Variants in PCNX2 observed in about 807,000 individuals in gnomAD.
PCNX2 encodes the protein pecanex-like protein 2.
PCNX2 carries 168 observed loss-of-function variants against 223.8 expected under a neutral mutation model. The ratio of observed to expected loss-of-function variants is 0.75; its 90% CI spans 0.66 to 0.85. The LOEUF (loss-of-function observed/expected upper bound fraction) is 0.85, where lower values mean the gene tolerates loss of function less well. PCNX2 is among the 40% of genes least tolerant of loss of function. The probability of loss-of-function intolerance (pLI) is 0.00; values close to 1 mark genes in which losing one functional copy is unlikely to be tolerated. For missense variants in PCNX2, 2,507 were observed against 2,675.5 expected (o/e 0.94, Z 1.39); for synonymous variants, 1,006 against 1,052.6 (o/e 0.96, Z 0.86).
rs549767924 is a variant in PCNX2, at chr1:233,145,733, C to T, written c.3518-5878G>A. On this transcript the variant is annotated intron_variant, in intron 19 of 33. Transcript: ENST00000258229. The stretch of plus-strand genomic sequence containing the variant: ...CTGACAGTGTTTAGAATTCTCAGTA[C>T]ATGGTAACAGTAAAAAGGGGTAACT... Among the ~76,000 whole-genome samples the T allele has an allele frequency of 1.0e-3, 158 of 152,248 alleles. 1 individual carries two copies. Among genetic ancestry groups the T allele is most frequent in the African/African-American group, 3.7e-3 (153 of 41,542 alleles).
intron 21 of PCNX2, among the ~76,000 whole-genome samples, chr1:233,133,618 G>A (rs930370320): frequency 1.3e-5 from 2 of 152,202 alleles, no homozygotes; most frequent in Non-Finnish European, 2.9e-5. Context: ...CACTTTGGGA[G>A]GCCAAGGTAG....
chr1:233,200,731 C>A (rs1572064686), intron 13 of PCNX2, among the ~76,000 whole-genome samples: 1 of 151,620 alleles, frequency 6.6e-6, no homozygotes, highest in African/African-American at 2.4e-5. Context: ...ATAAAAAAAA[C>A]ACAGGACAGG....
chr1:233,025,072 C>T (rs911637309), intron 26 of PCNX2, 74 bp downstream of exon 26: 23 of 1,567,886 alleles, frequency 1.5e-5, no homozygotes, highest in South Asian at 2.3e-5. Context: ...ATTTAGCTTT[C>T]GACAGAGCTC....
intron 1 of PCNX2, among the ~76,000 whole-genome samples, chr1:233,281,326 A>G (rs548739809): frequency 5.9e-5 from 9 of 152,354 alleles, no homozygotes; most frequent in African/African-American, 2.2e-4. Context: ...CTATATCCCA[A>G]TGGGCTATTA....
At chr1:233,011,102 C>G (rs1373247394) in intron 28 of PCNX2, among the ~76,000 whole-genome samples, 4 of 152,146 alleles carry the variant, frequency 2.6e-5, no homozygotes, top group African/African-American at 9.7e-5. Context: ...AGCACATATG[C>G]AAACACACAA....
chr1:233,261,168 G>T, intron 4 of PCNX2, 117 bp downstream of exon 4: 1 of 880,816 alleles, frequency 1.1e-6, no homozygotes, highest in Non-Finnish European at 1.8e-6. Flanking sequence ...ATATAACTAT[G>T]CAGTCTTAGG....
intron 21 of PCNX2, among the ~76,000 whole-genome samples, chr1:233,128,374 G>A (rs370034010): frequency 1.3e-5 from 2 of 151,672 alleles, no homozygotes; most frequent in East Asian, 1.9e-4. Flanking sequence ...GTGCTCTGTC[G>A]CCCAGGCTGG....
the PCNX2 span, among the ~76,000 whole-genome samples, chr1:233,302,833 C>A: frequency 6.6e-6 from 1 of 152,088 alleles, no homozygotes; most frequent in East Asian, 1.9e-4. Flanking sequence ...TATATGAGCA[C>A]TTCCTAATAA....
chr1:233,154,074 T>G (rs1030352871), intron 19 of PCNX2, among the ~76,000 whole-genome samples: 1 of 152,168 alleles, frequency 6.6e-6, no homozygotes, highest in Non-Finnish European at 1.5e-5. Context: ...TGTGTTTTTT[T>G]GTTTTGTTTT....
At chr1:233,172,645 G>T in intron 17 of PCNX2, 1 of 738,792 alleles carries the variant, frequency 1.4e-6, no homozygotes, top group Non-Finnish European at 1.7e-6. Context: ...TGAAAAACAA[G>T]GCTTAAGGTC....
chr1:233,322,833 C>G, the PCNX2 span, among the ~76,000 whole-genome samples: 8 of 152,112 alleles, frequency 5.3e-5, no homozygotes, highest in East Asian at 1.3e-3. Flanking sequence ...CAGTACCTGA[C>G]ATGCTGCTTA....
chr1:233,120,164 C>CAA (rs1228898502), intron 21 of PCNX2, among the ~76,000 whole-genome samples: 37 of 42,590 alleles, frequency 8.7e-4, no homozygotes, highest in African/African-American at 1.2e-3. Context: ...GACTCCATTT[C>CAA]AAAAAAAAAA....
chr1:233,259,413 T>A, intron 4 of PCNX2, 69 bp from the exon 5 acceptor site: 1 of 1,466,484 alleles, frequency 6.8e-7, no homozygotes, highest in African/African-American at 1.4e-5. Flanking sequence ...CAAGACCTAA[T>A]GAATAATAAC....
At chr1:233,129,628 T>C (rs1158021844) in intron 21 of PCNX2, among the ~76,000 whole-genome samples, 1 of 152,198 alleles carries the variant, frequency 6.6e-6, no homozygotes, top group Non-Finnish European at 1.5e-5. Flanking sequence ...AGTTAAGGGA[T>C]TGTAAACACA....
In PCNX2 at chr1:233,201,017, C is replaced by G. The variant is rs1431650903; in HGVS notation, c.2864-753G>C. Among the ~76,000 whole-genome samples the G allele has an allele frequency of 6.2e-5, 8 of 128,450 alleles. No homozygotes were observed. In the East Asian group the frequency reaches 1.7e-3, roughly 27 times the overall value. The allele number at this position is 128,450 out of a possible 152,430, so 84.3% of individuals were successfully genotyped here. ...CTCCAGCCTGGGCGACAGAGCAAGACTCCGTCTCAAAAAAAAAAAAAAAAA... is the reference window on the plus strand; with the variant it reads ...CTCCAGCCTGGGCGACAGAGCAAGAGTCCGTCTCAAAAAAAAAAAAAAAAA... On this transcript the variant is annotated intron_variant, in intron 13 of 33. Transcript: ENST00000258229.
intron 18 of PCNX2, 145 bp from the exon 19 acceptor site, chr1:233,160,578 A>G (rs1678409161): frequency 2.1e-6 from 2 of 935,542 alleles, no homozygotes; most frequent in Middle Eastern, 3.2e-4. Context: ...GCCTCTGAAA[A>G]TGTCTTCTCT....
chr1:233,312,384 A>G, the PCNX2 span, among the ~76,000 whole-genome samples: 2 of 152,208 alleles, frequency 1.3e-5, no homozygotes, highest in Non-Finnish European at 2.9e-5. Flanking sequence ...ACATTGTCAA[A>G]TCATACCCCA....
chr1:233,200,227 C>T lies in PCNX2; in HGVS notation c.2901G>A (p.Gly967=), dbSNP rs867568459. ...AGAAAGTGTTGATTTGCGGGAAGAG[C>T]CCAAGGAGGGAAATAGCAGGGAAGC... ...LYCFPAISLL[G]LFPQINTFCT... Residue 967 remains glycine (G), a synonymous_variant, in exon 14 of 34, where the codon GGG becomes GGA. Transcript: ENST00000258229. The T allele has an allele frequency of 1.9e-6, 3 of 1,590,272 alleles. No individual in the cohort carries two copies. Among genetic ancestry groups the T allele is most frequent in the South Asian group, 1.2e-5 (1 of 86,760 alleles).
At chr1:233,069,987 CAAAGA>C (rs1672781129) in intron 23 of PCNX2, among the ~76,000 whole-genome samples, 1 of 151,924 alleles carries the variant, frequency 6.6e-6, no homozygotes. Flanking sequence ...ACCAGACTGA[CAAAGA>C]AAAGGGGAGA....
Sources: allele counts gnomAD v4.1 joint callset (sites outside exome capture counted in the v4.1 genomes callset), GRCh38; gene constraint gnomAD v4.1.1; transcripts MANE v1.5; gene names NCBI Gene and HGNC (gene_info 2026-07-23, HGNC 2026-07-21).